DCC: variants seen among roughly 807,000 people sequenced by gnomAD.
DCC encodes DCC netrin 1 receptor.
A neutral mutation model predicts 172.5 loss-of-function variants in DCC; 58 were observed. The ratio of observed to expected loss-of-function variants is 0.34; its 90% confidence interval spans 0.27 to 0.42. The LOEUF is 0.42. Among genes scored for constraint, DCC ranks in the 10% least tolerant of loss-of-function variants. The probability of loss-of-function intolerance (pLI) is 1.00; values close to 1 mark genes in which losing one functional copy is unlikely to be tolerated. For synonymous variants in DCC, 709 were observed against 644.5 expected (o/e 1.10, Z -1.52); for missense variants, 1,740 against 1,791.0 (o/e 0.97, Z 0.51).
intron 1 of DCC, among the ~76,000 whole-genome samples, chr18:52,619,225 A>G (rs2034437946): frequency 6.6e-6 from 1 of 152,192 alleles, no homozygotes; most frequent in Non-Finnish European, 1.5e-5. Flanking sequence ...GTTTTAATCT[A>G]CTAAGAGATA....
In DCC at chr18:53,391,707, G is replaced by A. The variant is rs144961254; in HGVS notation, c.2508G>A (p.Ser836=). 4.3e-6 allele frequency: 7 copies of A among 1,613,926 alleles called. No homozygotes were observed. The highest frequency in any genetic ancestry group is 1.6e-4 in the Middle Eastern group (1 of 6,062). ...YYPLLDDFPT[S]VPDLSTPMLP... ...CTTTGCTTGATGATTTCCCCACCTC[G>A]GTCCCAGATCTCTCCACCCCCATGC... Residue 836 remains serine (S), a synonymous_variant, in exon 17 of 29, where the codon TCG becomes TCA. Transcript: ENST00000442544.
At chr18:53,155,206 C>G (rs915713749) in intron 7 of DCC, among the ~76,000 whole-genome samples, 7 of 151,864 alleles carry the variant, frequency 4.6e-5, no homozygotes, top group African/African-American at 1.5e-4. Flanking sequence ...TTTCCACTAC[C>G]CAGATGAATT....
intron 2 of DCC, among the ~76,000 whole-genome samples, chr18:52,903,950 G>A (rs954039365): frequency 2.0e-5 from 3 of 152,202 alleles, no homozygotes; most frequent in Non-Finnish European, 4.4e-5. Context: ...CAATAAGCCT[G>A]GGTACAAGGT....
intron 24 of DCC, among the ~76,000 whole-genome samples, chr18:53,461,980 A>G (rs1223058120): frequency 6.6e-6 from 1 of 152,210 alleles, no homozygotes; most frequent in African/African-American, 2.4e-5. Context: ...TTTCAGAAAC[A>G]CTGTTACATC....
At chr18:53,300,981 C>CTTTCTTTCTTTCTTTCTTTCTTTA (rs1555649230) in intron 12 of DCC, among the ~76,000 whole-genome samples, 3 of 143,190 alleles carry the variant, frequency 2.1e-5, no homozygotes, top group Admixed American at 7.1e-5. Flanking sequence ...TTCTTTCTTT[C>CTTTCTTTCTTTCTTTCTTTCTTTA]TTTCTTTCTT....
intron 5 of DCC, chr18:52,965,134 A>G (rs2040908591): frequency 6.6e-6 from 1 of 152,186 alleles, no homozygotes; most frequent in Non-Finnish European, 1.5e-5. Context: ...CAGGTAAGGT[A>G]ATATATGTGC....
At chr18:52,983,023 C>T (rs186486279) in intron 5 of DCC, among the ~76,000 whole-genome samples, 2 of 152,280 alleles carry the variant, frequency 1.3e-5, no homozygotes, top group Admixed American at 1.3e-4. Context: ...CTGTTTTCCC[C>T]ATTTCTATCT....
intron 5 of DCC, among the ~76,000 whole-genome samples, chr18:52,936,703 G>T (rs935185241): frequency 6.6e-6 from 1 of 152,156 alleles, no homozygotes; most frequent in East Asian, 1.9e-4. Flanking sequence ...GCTGACAGTG[G>T]TGGAAAGCTG....
chr18:53,528,520 T>A (rs953467067), intron 28 of DCC, among the ~76,000 whole-genome samples: 36 of 152,080 alleles, frequency 2.4e-4, no homozygotes, highest in African/African-American at 8.5e-4. Context: ...ACATTAAAGG[T>A]TGACTCTAAA....
chr18:52,423,007 A>G (rs941877887), intron 1 of DCC, among the ~76,000 whole-genome samples: 4 of 152,192 alleles, frequency 2.6e-5, no homozygotes, highest in African/African-American at 9.6e-5. Context: ...ACATTAATTT[A>G]TTGAACAAAG....
intron 1 of DCC, among the ~76,000 whole-genome samples, chr18:52,497,127 G>T (rs985598865): frequency 3.3e-5 from 5 of 150,900 alleles, no homozygotes; most frequent in African/African-American, 1.2e-4. Flanking sequence ...CGGGCCTGGT[G>T]GTGCACATCT....
chr18:53,194,476 G>GT lies in DCC; in HGVS notation c.1574-10730dup, dbSNP rs561215147. 8.4e-3 allele frequency among the ~76,000 whole-genome samples: 1,234 copies of GT among 147,204 alleles called. 6 individuals are homozygous for GT. The highest frequency in any genetic ancestry group is 0.025 in the Admixed American group (363 of 14,720). On this transcript the variant is annotated intron_variant, in intron 9 of 28. Coordinates refer to ENST00000442544, the MANE Select transcript of DCC (RefSeq NM_005215.4). The stretch of plus-strand genomic sequence containing the variant: ...GTTGTTGTTGTTTTTGTTGTTGTTT[G>GT]TTTTTTTTTTAGATGGAGTCTTGCT...
At chr18:53,368,489 G>T (rs188517343) in intron 15 of DCC, among the ~76,000 whole-genome samples, 173 of 152,154 alleles carry the variant, frequency 1.1e-3, no homozygotes, top group African/African-American at 3.9e-3. Flanking sequence ...TACCTCTTCT[G>T]TTGGTGTCAT....
chr18:52,729,168 G>T (rs956982917), intron 1 of DCC, among the ~76,000 whole-genome samples: 2 of 152,176 alleles, frequency 1.3e-5, no homozygotes, highest in Non-Finnish European at 2.9e-5. Context: ...TTTTATTGTT[G>T]TTGTTTGTTA....
intron 2 of DCC, chr18:52,756,954 T>C (rs375582288): frequency 1.8e-4 from 28 of 151,726 alleles, no homozygotes; most frequent in Admixed American, 5.3e-4. Flanking sequence ...ATGCAAAATA[T>C]TTTTTTTCAG....
intron 1 of DCC, among the ~76,000 whole-genome samples, chr18:52,674,484 A>G (rs1049344640): frequency 2.0e-5 from 3 of 152,174 alleles, no homozygotes; most frequent in Admixed American, 6.5e-5. Flanking sequence ...TCCAATGTTA[A>G]TCTCTTCCAG....
chr18:52,923,235 C>A (rs1442379906), intron 3 of DCC, among the ~76,000 whole-genome samples: 1 of 152,066 alleles, frequency 6.6e-6, no homozygotes, highest in Non-Finnish European at 1.5e-5. Flanking sequence ...CTCTTCAGTA[C>A]CTGTACGCTA....
chr18:52,420,535 T>C (rs1257457967), intron 1 of DCC, among the ~76,000 whole-genome samples: 1 of 152,190 alleles, frequency 6.6e-6, no homozygotes, highest in Admixed American at 6.5e-5. Flanking sequence ...GGGTGACTCT[T>C]AATGATACCA....
intron 9 of DCC, among the ~76,000 whole-genome samples, chr18:53,192,963 C>T (rs1191046432): frequency 6.6e-6 from 1 of 152,190 alleles, no homozygotes; most frequent in African/African-American, 2.4e-5. Context: ...CACTCTCTTA[C>T]CACCAATCCA....
Sources: allele counts gnomAD v4.1 joint callset (sites outside exome capture counted in the v4.1 genomes callset), GRCh38; gene constraint gnomAD v4.1.1; transcripts MANE v1.5; gene names NCBI Gene and HGNC (gene_info 2026-07-23, HGNC 2026-07-21).